The following CD109 variants were observed in gnomAD, a reference collection of about 807,000 sequenced individuals.
The protein encoded by CD109 is CD109 antigen.
A neutral mutation model predicts 165.8 loss-of-function variants in CD109; 149 were observed. The ratio of observed to expected loss-of-function variants is 0.90; its 90% CI spans 0.79 to 1.03. The LOEUF (loss-of-function observed/expected upper bound fraction) is 1.03, where lower values mean the gene tolerates loss of function less well. CD109 is among the 50% of genes least tolerant of loss of function. CD109 has a pLI of 0.00. For synonymous variants in CD109, 585 were observed against 592.1 expected (o/e 0.99, Z 0.18); for missense variants, 1,712 against 1,677.8 (o/e 1.02, Z -0.36).
At chr6:73,741,974 A>G (rs1772801366) in intron 5 of CD109, among the ~76,000 whole-genome samples, 1 of 152,212 alleles carries the variant, frequency 6.6e-6, no homozygotes. Flanking sequence ...CCTGGCCTGC[A>G]AATGGTTTTT....
intron 2 of CD109, 55 bp from the exon 3 acceptor site, chr6:73,723,196 C>CT: frequency 6.2e-7 from 1 of 1,609,850 alleles, no homozygotes; most frequent in Non-Finnish European, 8.5e-7. Flanking sequence ...GGTTTGTATT[C>CT]TATCATCATA....
intron 2 of CD109, among the ~76,000 whole-genome samples, chr6:73,705,444 A>G (rs943985610): frequency 6.6e-6 from 1 of 152,104 alleles, no homozygotes; most frequent in Admixed American, 6.6e-5. Context: ...GTTTGAAATC[A>G]GCCTGGACAA....
intron 7 of CD109, among the ~76,000 whole-genome samples, chr6:73,762,039 T>C (rs1410874655): frequency 6.6e-6 from 1 of 152,128 alleles, no homozygotes; most frequent in African/African-American, 2.4e-5. Context: ...CTCGGCTCAC[T>C]GCAACCTCCA....
At chr6:73,798,320 A>T (rs1279741907) in intron 23 of CD109, among the ~76,000 whole-genome samples, 1 of 151,962 alleles carries the variant, frequency 6.6e-6, no homozygotes, top group Non-Finnish European at 1.5e-5. Context: ...TTGCCGTATT[A>T]GCCAGGCTGG....
chr6:73,683,219 C>A, the CD109 span, among the ~76,000 whole-genome samples: 25 of 152,288 alleles, frequency 1.6e-4, no homozygotes, highest in East Asian at 4.6e-3. Context: ...AACTGAAAGC[C>A]TTTAACAGCA....
At chr6:73,819,520 G>C (rs977815668) in intron 31 of CD109, among the ~76,000 whole-genome samples, 1 of 152,142 alleles carries the variant, frequency 6.6e-6, no homozygotes, top group Non-Finnish European at 1.5e-5. Context: ...GGGTTTGTAT[G>C]TTTCTTATTT....
rs116254010 is a variant in CD109 at position 73,741,739 on chromosome 6, C to T, written c.633+5231C>T. ...CAGTCTGGAGTGCAGTGTGCAATCT[C>T]AGCTCATTGCAACCTCCACCTCCCA... On this transcript the variant is annotated intron_variant, in intron 5 of 32. Transcript: ENST00000287097. 5.0e-3 allele frequency among the ~76,000 whole-genome samples: 757 copies of T among 152,224 alleles called. 7 individuals carry two copies. The highest frequency in any genetic ancestry group is 0.017 in the African/African-American group (712 of 41,526).
At chr6:73,708,789 A>C (rs1289305554) in intron 2 of CD109, among the ~76,000 whole-genome samples, 1 of 152,174 alleles carries the variant, frequency 6.6e-6, no homozygotes, top group Non-Finnish European at 1.5e-5. Flanking sequence ...TGGCTGCACA[A>C]ATGTCTTCTT....
intron 2 of CD109, among the ~76,000 whole-genome samples, chr6:73,712,453 A>G (rs1011086432): frequency 1.3e-5 from 2 of 152,252 alleles, no homozygotes; most frequent in Non-Finnish European, 2.9e-5. Context: ...AGGCATATAT[A>G]TATATCTAGT....
At chr6:73,785,621 G>A (rs564806760) in intron 20 of CD109, 144 bp downstream of exon 20, 1 of 542,862 alleles carries the variant, frequency 1.8e-6, no homozygotes, top group African/African-American at 2.0e-5. Flanking sequence ...GACATGTCTT[G>A]TCAGTGATTT....
At chr6:73,813,390 G>A (rs906350721) in intron 29 of CD109, among the ~76,000 whole-genome samples, 1 of 152,138 alleles carries the variant, frequency 6.6e-6, no homozygotes, top group African/African-American at 2.4e-5. Context: ...TAAACCAAAT[G>A]TAGAGAAATT....
rs748774732 is a variant in CD109 at position 73,762,449 on chromosome 6, G to A, written c.824G>A (p.Gly275Glu). 5.6e-6 allele frequency: 9 copies of A among 1,611,210 alleles called. No individual in the cohort carries two copies. Among genetic ancestry groups the A allele is most frequent in the Non-Finnish European group, 8.5e-7 (1 of 1,177,926 alleles). ...ACATTTTTACCTTTATCCTTTTGGG[G>A]AAAGAAGAAAAATATTACAAAAACA... is the stretch of plus-strand genomic sequence containing the variant. ...TLTFLPLSFW[G>E]KKKNITKTFK... The change falls in exon 8 of 33, where the codon GGA (glycine) becomes GAA (glutamate). Residue 275 changes from glycine (G) to glutamate (E), a missense_variant. Gly to Glu is a moderately conservative substitution (Grantham distance 98). Coordinates refer to ENST00000287097, the MANE Select transcript of CD109 (RefSeq NM_133493.5).
the CD109 span, among the ~76,000 whole-genome samples, chr6:73,680,568 G>C: frequency 6.6e-6 from 1 of 152,174 alleles, no homozygotes; most frequent in African/African-American, 2.4e-5. Flanking sequence ...AGAGAGCTTT[G>C]AGGCAATGGT....
intron 26 of CD109, 150 bp downstream of exon 26, chr6:73,808,398 G>T: frequency 1.4e-6 from 1 of 715,814 alleles, no homozygotes; most frequent in Non-Finnish European, 2.2e-6. Flanking sequence ...GCCTGACATG[G>T]CCACAATGCT....
chr6:73,817,070 T>C (rs1234853257), intron 30 of CD109, among the ~76,000 whole-genome samples: 1 of 152,188 alleles, frequency 6.6e-6, no homozygotes, highest in Non-Finnish European at 1.5e-5. Context: ...AAATCTGGTA[T>C]GAAGGACAAA....
At chr6:73,715,278 A>G (rs909613789) in intron 2 of CD109, among the ~76,000 whole-genome samples, 2 of 151,888 alleles carry the variant, frequency 1.3e-5, no homozygotes, top group East Asian at 1.9e-4. Context: ...ACAAAAAACC[A>G]GTGATGAGGC....
At chr6:73,755,013 G>A (rs1399772107) in intron 5 of CD109, among the ~76,000 whole-genome samples, 1 of 152,168 alleles carries the variant, frequency 6.6e-6, no homozygotes, top group Non-Finnish European at 1.5e-5. Flanking sequence ...TTGAGAAACA[G>A]AAACATCATA....
In CD109 at chr6:73,823,625, T is replaced by C. The variant is rs1007927443; in HGVS notation, c.4330T>C (p.Trp1444Arg). Reference protein sequence around the residue: ...CFKLLYFMELWL With the variant: ...CFKLLYFMELRL ...CAAGCTTCTGTACTTTATGGAACTT[T>C]GGCTGTGATTTATTTTTAAAGGACT... Residue 1444 changes from tryptophan to arginine, a missense_variant, in exon 33 of 33, where the codon TGG becomes CGG. By Grantham distance (101) the Trp-to-Arg change is moderately radical. Coordinates refer to ENST00000287097, the MANE Select transcript of CD109 (RefSeq NM_133493.5). 1.2e-6 allele frequency: 2 copies of C among 1,606,452 alleles called. No homozygotes were observed. Among genetic ancestry groups the C allele is most frequent in the Non-Finnish European group, 1.7e-6 (2 of 1,174,726 alleles).
rs764087650 is a variant in CD109, at chr6:73,756,685, A to T, written c.673+3A>T. 2 of 1,535,772 alleles carry T rather than the reference A, an allele frequency of 1.3e-6. No homozygotes were observed. Among genetic ancestry groups the T allele is most frequent in the Non-Finnish European group, 1.8e-6 (2 of 1,135,854 alleles). On this transcript the variant is annotated splice_donor_region_variant and intron_variant, in intron 6 of 32. Coordinates refer to ENST00000287097, the MANE Select transcript of CD109 (RefSeq NM_133493.5). ...ATCATTTCAGGTTTCAGAATATGGTAAGAGTTCCTCAATCTATTTTGGAAG... is the reference window on the plus strand; with the variant it reads ...ATCATTTCAGGTTTCAGAATATGGTTAGAGTTCCTCAATCTATTTTGGAAG...
Sources: allele counts gnomAD v4.1 joint callset (sites outside exome capture counted in the v4.1 genomes callset), GRCh38; gene constraint gnomAD v4.1.1; transcripts MANE v1.5; gene names NCBI Gene and HGNC (gene_info 2026-07-23, HGNC 2026-07-21).